Variants in WDR20 observed in about 807,000 individuals in gnomAD.
WDR20 encodes WD repeat domain 20.
WDR20 carries 3 observed loss-of-function variants against 38.7 expected under a neutral mutation model. The ratio of observed to expected loss-of-function variants is 0.08; its 90% CI spans 0.04 to 0.20. WDR20 has a LOEUF of 0.20. Ranked by LOEUF, WDR20 falls within the 10% of genes least tolerant of loss-of-function variation. The probability of loss-of-function intolerance (pLI) is 1.00; values close to 1 mark genes in which losing one functional copy is unlikely to be tolerated. For missense variants in WDR20, 559 were observed against 727.7 expected, an observed-to-expected ratio of 0.77 and a Z score of 2.67; for synonymous variants, 298 against 285.6, an observed-to-expected ratio of 1.04 and a Z score of -0.44.
chr14:102,190,624 G>A (rs1196026506), intron 1 of WDR20, among the ~76,000 whole-genome samples: 3 of 152,170 alleles, frequency 2.0e-5, no homozygotes, highest in South Asian at 4.2e-4. Context: ...GACAGAAGGT[G>A]ATATTGCTGT....
intron 1 of WDR20, among the ~76,000 whole-genome samples, chr14:102,174,235 T>G (rs1256903710): frequency 1.3e-5 from 2 of 152,114 alleles, no homozygotes; most frequent in Non-Finnish European, 2.9e-5. Flanking sequence ...ATGTAATGAC[T>G]TCTTTTCCTC....
chr14:102,186,286 G>A (rs2064695435), intron 1 of WDR20, among the ~76,000 whole-genome samples: 1 of 152,150 alleles, frequency 6.6e-6, no homozygotes, highest in Non-Finnish European at 1.5e-5. Context: ...GCAGCGGTGG[G>A]ACTGTGGAAT....
intron 1 of WDR20, among the ~76,000 whole-genome samples, chr14:102,145,862 A>C (rs1333286632): frequency 6.6e-6 from 1 of 152,188 alleles, no homozygotes; most frequent in East Asian, 1.9e-4. Context: ...CCACATCTTA[A>C]GATTCCAGGT....
At chr14:102,223,644 A>G (rs1040347160) in exon 4 of WDR20, 15 of 152,766 alleles carry the variant, frequency 9.8e-5, no homozygotes, top group Middle Eastern at 3.4e-3. Context: ...CTAATTCACA[A>G]AAGTTAATAT....
downstream of WDR20, among the ~76,000 whole-genome samples, chr14:102,219,792 G>T (rs551819707): frequency 2.6e-5 from 4 of 152,234 alleles, no homozygotes; most frequent in African/African-American, 9.6e-5. Context: ...TCAAAAGGGC[G>T]AAGCCTGCTA....
At chr14:102,153,375 C>T (rs994504336) in intron 1 of WDR20, among the ~76,000 whole-genome samples, 1 of 142,202 alleles carries the variant, frequency 7.0e-6, no homozygotes, top group Non-Finnish European at 1.5e-5. Flanking sequence ...AGTGTGATCT[C>T]GGCTCACTGC....
Position 102,200,110 on chromosome 14 carries a change from A to C in WDR20, c.432+4990A>C, listed in dbSNP as rs374785230. 1.2e-4 allele frequency among the ~76,000 whole-genome samples: 19 copies of C among 152,352 alleles called. No individual in the cohort carries two copies. In the East Asian group the frequency reaches 3.5e-3, roughly 28 times the overall value. On this transcript the variant is annotated intron_variant, in intron 2 of 2. Coordinates refer to ENST00000342702, the MANE Select transcript of WDR20 (RefSeq NM_144574.4). ...GCTCCCTGGGACTGTCCTCAGTCAC[A>C]CTGGAGGTCCTTGCTGGTGCATCTG...
intron 1 of WDR20, among the ~76,000 whole-genome samples, chr14:102,173,646 C>T (rs2061466026): frequency 1.3e-5 from 2 of 151,670 alleles, no homozygotes; most frequent in South Asian, 2.1e-4. Context: ...CCCTGCGTCC[C>T]CAAAGTTCAT....
Position 102,155,651 on chromosome 14 carries a change from A to G in WDR20, c.249+15479A>G, listed in dbSNP as rs1305332665. Among the ~76,000 whole-genome samples the G allele has an allele frequency of 5.9e-5, 9 of 152,272 alleles. No individual in the cohort carries two copies. In the East Asian group the frequency reaches 1.3e-3, roughly 23 times the overall value. On this transcript the variant is annotated intron_variant, in intron 1 of 2. Coordinates refer to ENST00000342702, the MANE Select transcript of WDR20 (RefSeq NM_144574.4). ...AGAGGGTAGCCTGAATGGGAAAAAT[A>G]TTTCACTTTAAAAAATTTATTTATT... is the stretch of plus-strand genomic sequence containing the variant.
chr14:102,212,331 A>G (rs890409003), downstream of WDR20, among the ~76,000 whole-genome samples: 5 of 152,154 alleles, frequency 3.3e-5, no homozygotes, highest in East Asian at 1.9e-4. Context: ...CGTTGTGTCT[A>G]CGTGCCCTCC....
intron 1 of WDR20, 30 bp from the exon 2 acceptor site, chr14:102,194,908 A>G: frequency 1.2e-6 from 2 of 1,605,928 alleles, no homozygotes; most frequent in Non-Finnish European, 1.7e-6. Context: ...TGTGCTGTTT[A>G]CTGTATGTAT....
downstream of WDR20, among the ~76,000 whole-genome samples, chr14:102,211,804 G>A (rs1351463959): frequency 6.6e-6 from 1 of 152,242 alleles, no homozygotes; most frequent in Non-Finnish European, 1.5e-5. This position sits in a 1 kb window ranked among gnomAD's most constrained non-coding sequence, Gnocchi z 4.2. Flanking sequence ...CTGAGGCATT[G>A]AGTATGCAGT....
At chr14:102,212,650 T>G, downstream of WDR20, 1 of 1,531,770 alleles carries the variant, frequency 6.5e-7, no homozygotes, top group Non-Finnish European at 8.7e-7. Context: ...TCCTCGGCTG[T>G]GCTTCTGAGT....
At chr14:102,150,814 A>T (rs559937684) in intron 1 of WDR20, among the ~76,000 whole-genome samples, 1 of 152,338 alleles carries the variant, frequency 6.6e-6, no homozygotes, top group East Asian at 1.9e-4. Context: ...AAGGACGGAC[A>T]TGATATTCAC....
chr14:102,191,779 A>G (rs1022087531), intron 1 of WDR20, among the ~76,000 whole-genome samples: 43 of 152,272 alleles, frequency 2.8e-4, no homozygotes, highest in African/African-American at 1.0e-3. Context: ...ACCTTAGGTG[A>G]GAGAGATTCT....
intron 1 of WDR20, among the ~76,000 whole-genome samples, chr14:102,189,988 G>A (rs1321582837): frequency 6.6e-6 from 1 of 152,178 alleles, no homozygotes; most frequent in African/African-American, 2.4e-5. Context: ...GATTCCTGGG[G>A]AGGTGGGCAA....
intron 1 of WDR20, among the ~76,000 whole-genome samples, chr14:102,141,686 A>G (rs2152656866): frequency 6.6e-6 from 1 of 152,238 alleles, no homozygotes. Flanking sequence ...ATCATAATGA[A>G]CTTTAAGGCC....
At chr14:102,177,175 A>G (rs949254762) in intron 1 of WDR20, among the ~76,000 whole-genome samples, 3 of 152,196 alleles carry the variant, frequency 2.0e-5, no homozygotes, top group African/African-American at 7.2e-5. Flanking sequence ...TCCTGATGAG[A>G]TTCTCCCATT....
rs1442328303 is a variant in WDR20 at position 102,178,889 on chromosome 14, G to C, written c.250-16049G>C. On this transcript the variant is annotated intron_variant, in intron 1 of 2. Coordinates refer to ENST00000342702, the MANE Select transcript of WDR20 (RefSeq NM_144574.4). Reference sequence around the variant, plus strand: ...GATCTCACAGATACTTTGCAGAAGAGGGAGTGGCGCGTCCCACTTTATATT... The same window carrying C: ...GATCTCACAGATACTTTGCAGAAGACGGAGTGGCGCGTCCCACTTTATATT... 3.9e-5 allele frequency: 6 copies of C among 152,080 alleles called. No individual in the cohort carries two copies. In the East Asian group the frequency reaches 1.2e-3, roughly 29 times the overall value. 9.4% of individuals were successfully genotyped at this position (152,080 alleles called of 1,614,324 possible).
Sources: allele counts gnomAD v4.1 joint callset (sites outside exome capture counted in the v4.1 genomes callset), GRCh38; gene constraint gnomAD v4.1.1; non-coding constraint Gnocchi (gnomAD v3.1); transcripts MANE v1.5; gene names NCBI Gene and HGNC (gene_info 2026-07-23, HGNC 2026-07-21).